KCNJ3: variants seen among roughly 807,000 people sequenced by gnomAD.
The protein encoded by KCNJ3 is G protein-activated inward rectifier potassium channel 1.
KCNJ3 carries 4 observed loss-of-function variants against 39.2 expected under a neutral mutation model. That is an observed-to-expected ratio of 0.10 (90% confidence interval 0.05 to 0.23). The LOEUF (loss-of-function observed/expected upper bound fraction) is 0.23. KCNJ3 is among the 10% of genes least tolerant of loss of function. KCNJ3 has a pLI of 1.00. For synonymous variants in KCNJ3, 230 were observed against 237.4 expected (o/e 0.97, Z 0.29); for missense variants, 276 against 634.9 (o/e 0.43, Z 6.08).
At chr2:154,825,830 C>T (rs1411659003) in intron 2 of KCNJ3, among the ~76,000 whole-genome samples, 2 of 150,418 alleles carry the variant, frequency 1.3e-5, no homozygotes, top group East Asian at 2.0e-4. Flanking sequence ...CCTCCCACCT[C>T]GGCTTCCCAA....
At chr2:154,852,182 C>T (rs150688577) in intron 2 of KCNJ3, among the ~76,000 whole-genome samples, 8 of 152,134 alleles carry the variant, frequency 5.3e-5, no homozygotes, top group African/African-American at 1.9e-4. Flanking sequence ...TGCCTGACAT[C>T]AATTTTCAAT....
chr2:154,709,846 G>A (rs931783497), intron 2 of KCNJ3, 27 bp downstream of exon 2: 11 of 1,611,130 alleles, frequency 6.8e-6, no homozygotes, highest in African/African-American at 1.3e-5. Context: ...ATGCCATAAA[G>A]TTTCTTTATA....
chr2:154,846,040 G>C (rs1019937885), intron 2 of KCNJ3, among the ~76,000 whole-genome samples: 28 of 152,082 alleles, frequency 1.8e-4, no homozygotes, highest in Non-Finnish European at 7.4e-5. Flanking sequence ...ATAGGATAGG[G>C]AGTTAAAGGT....
At chr2:154,833,928 C>T (rs537340622) in intron 2 of KCNJ3, among the ~76,000 whole-genome samples, 1 of 152,144 alleles carries the variant, frequency 6.6e-6, no homozygotes, top group South Asian at 2.1e-4. Context: ...CAGTCTGTCT[C>T]CTACTGAAGG....
At chr2:154,736,264 CTG>C (rs1407461666) in intron 2 of KCNJ3, among the ~76,000 whole-genome samples, 1 of 151,472 alleles carries the variant, frequency 6.6e-6, no homozygotes, top group African/African-American at 2.4e-5. Flanking sequence ...TATTTAGAAA[CTG>C]AGCCTACTTT....
chr2:154,732,914 G>A (rs1685469191), intron 2 of KCNJ3, among the ~76,000 whole-genome samples: 1 of 152,158 alleles, frequency 6.6e-6, no homozygotes, highest in Non-Finnish European at 1.5e-5. Flanking sequence ...TGTTTTAAAA[G>A]TGGAAAATAA....
intron 2 of KCNJ3, among the ~76,000 whole-genome samples, chr2:154,769,216 A>G (rs1686192728): frequency 6.6e-6 from 1 of 152,128 alleles, no homozygotes; most frequent in Non-Finnish European, 1.5e-5. Context: ...AGAACTTCCA[A>G]CACTATGTTG....
chr2:154,734,203 A>T (rs991712769), intron 2 of KCNJ3, among the ~76,000 whole-genome samples: 10 of 152,336 alleles, frequency 6.6e-5, no homozygotes, highest in Middle Eastern at 3.4e-3. Flanking sequence ...GAATTCTGCA[A>T]GACTGAAGGC....
At chr2:154,790,595 TGAA>T (rs1453076492) in intron 2 of KCNJ3, among the ~76,000 whole-genome samples, 1 of 152,118 alleles carries the variant, frequency 6.6e-6, no homozygotes, top group East Asian at 1.9e-4. Context: ...TTAAATGCTT[TGAA>T]GAAGGTTATC....
intron 2 of KCNJ3, among the ~76,000 whole-genome samples, chr2:154,831,677 A>G (rs1418601414): frequency 6.6e-6 from 1 of 152,154 alleles, no homozygotes; most frequent in African/African-American, 2.4e-5. Context: ...TTTATTAAGA[A>G]CAGAAAATTT....
intron 2 of KCNJ3, among the ~76,000 whole-genome samples, chr2:154,772,805 C>T (rs1029815543): frequency 6.6e-6 from 1 of 151,668 alleles, no homozygotes; most frequent in African/African-American, 2.4e-5. Flanking sequence ...CAGCAAACTT[C>T]AAGCCTTAGT....
At chr2:154,836,059 AATT>A (rs1012526862) in intron 2 of KCNJ3, among the ~76,000 whole-genome samples, 1 of 152,012 alleles carries the variant, frequency 6.6e-6, no homozygotes, top group Admixed American at 6.6e-5. Flanking sequence ...AAAATACAAA[AATT>A]AACCTGGCGT....
At chr2:154,711,850 G>C (rs935295291) in intron 2 of KCNJ3, among the ~76,000 whole-genome samples, 1 of 151,962 alleles carries the variant, frequency 6.6e-6, no homozygotes, top group African/African-American at 2.4e-5. Flanking sequence ...TTGTTTATTA[G>C]AATTATAGAT....
At chr2:154,802,619 A>C (rs544810198) in intron 2 of KCNJ3, among the ~76,000 whole-genome samples, 1 of 152,170 alleles carries the variant, frequency 6.6e-6, no homozygotes, top group Non-Finnish European at 1.5e-5. Flanking sequence ...ACACTTTCCT[A>C]TAATAAAATA....
intron 2 of KCNJ3, among the ~76,000 whole-genome samples, chr2:154,846,325 ATTAT>A (rs1479670665): frequency 6.6e-6 from 1 of 152,132 alleles, no homozygotes; most frequent in East Asian, 1.9e-4. Flanking sequence ...TCACTAAAGA[ATTAT>A]TTAAAATATA....
At chr2:154,728,263 C>T (rs1685392597) in intron 2 of KCNJ3, among the ~76,000 whole-genome samples, 1 of 152,050 alleles carries the variant, frequency 6.6e-6, no homozygotes, top group African/African-American at 2.4e-5. Context: ...ATACTCTTGG[C>T]ATTGTCTATT....
intron 2 of KCNJ3, among the ~76,000 whole-genome samples, chr2:154,749,467 G>C (rs1016711056): frequency 6.6e-6 from 1 of 152,026 alleles, no homozygotes; most frequent in Admixed American, 6.6e-5. Flanking sequence ...GGGCAAATGA[G>C]CAAAAGATTT....
chr2:154,790,279 A>G (rs552284693), intron 2 of KCNJ3, among the ~76,000 whole-genome samples: 36 of 152,260 alleles, frequency 2.4e-4, no homozygotes, highest in African/African-American at 8.7e-4. Context: ...AGAACAAACT[A>G]TAACTTTAGT....
chr2:154,760,333 G>A (rs548960878), intron 2 of KCNJ3, among the ~76,000 whole-genome samples: 6 of 152,022 alleles, frequency 3.9e-5, no homozygotes, highest in East Asian at 3.9e-4. Context: ...TTTTTCTGAC[G>A]TAAACTTTTA....
Sources: allele counts gnomAD v4.1 joint callset (sites outside exome capture counted in the v4.1 genomes callset), GRCh38; gene constraint gnomAD v4.1.1; transcripts MANE v1.5; gene names NCBI Gene and HGNC (gene_info 2026-07-23, HGNC 2026-07-21).